CHRNA7: variants seen among roughly 807,000 people sequenced by gnomAD.
CHRNA7 encodes the protein neuronal acetylcholine receptor subunit alpha-7.
Under a neutral mutation model 48.0 loss-of-function variants are expected in CHRNA7, and 17 were observed. The ratio of observed to expected loss-of-function variants is 0.35; its 90% CI spans 0.24 to 0.53. The LOEUF (loss-of-function observed/expected upper bound fraction) is 0.53, where lower values mean the gene tolerates loss of function less well. Among genes scored for constraint, CHRNA7 ranks in the 20% least tolerant of loss-of-function variants. The probability of loss-of-function intolerance (pLI) is 0.92; values close to 1 mark genes in which losing one functional copy is unlikely to be tolerated. For missense variants in CHRNA7, 155 were observed against 577.7 expected (o/e 0.27, Z 7.50); for synonymous variants, 75 against 242.3 (o/e 0.31, Z 6.41).
chr15:32,102,209 A>G (rs2050585566), intron 3 of CHRNA7: 1 of 152,012 alleles, frequency 6.6e-6, no homozygotes, highest in African/African-American at 2.4e-5. Flanking sequence ...CAGTGGCGCA[A>G]TCTTGGCTTA....
intron 4 of CHRNA7, among the ~76,000 whole-genome samples, chr15:32,114,983 C>T (rs1305529037): frequency 2.0e-5 from 3 of 152,262 alleles, no homozygotes; most frequent in Admixed American, 6.5e-5. Flanking sequence ...GCACCCACCC[C>T]TTCTGGGCCT....
intron 2 of CHRNA7, among the ~76,000 whole-genome samples, chr15:32,032,419 A>G (rs1277299311): frequency 2.6e-5 from 4 of 152,182 alleles, no homozygotes; most frequent in African/African-American, 9.7e-5. Flanking sequence ...TTTCTTAAGC[A>G]TCTTGAGCCT....
At chr15:32,112,545 AAGC>A (rs2050780625) in intron 4 of CHRNA7, among the ~76,000 whole-genome samples, 1 of 152,242 alleles carries the variant, frequency 6.6e-6, no homozygotes, top group Non-Finnish European at 1.5e-5. Context: ...AAGTTTCTAG[AAGC>A]AGTAAAATTT....
chr15:32,096,894 C>G (rs1435550392), intron 2 of CHRNA7, among the ~76,000 whole-genome samples: 1 of 152,172 alleles, frequency 6.6e-6, no homozygotes, highest in Admixed American at 6.5e-5. Flanking sequence ...CGCGTTGACT[C>G]GAGGGTGCCT....
chr15:32,032,176 C>T (rs1350919740), intron 2 of CHRNA7, among the ~76,000 whole-genome samples: 1 of 152,208 alleles, frequency 6.6e-6, no homozygotes, highest in Non-Finnish European at 1.5e-5. Flanking sequence ...TGTGTTCTTC[C>T]TCCTACAGAC....
intron 2 of CHRNA7, among the ~76,000 whole-genome samples, chr15:32,091,206 G>A (rs536473884): frequency 4.0e-4 from 61 of 152,090 alleles, no homozygotes; most frequent in African/African-American, 1.4e-3. Context: ...TATTTCTCTT[G>A]TCTGTATTTT....
intron 3 of CHRNA7, among the ~76,000 whole-genome samples, chr15:32,108,117 C>T (rs1203262273): frequency 6.6e-6 from 1 of 152,044 alleles, no homozygotes; most frequent in African/African-American, 2.4e-5. Context: ...TCAATGCTTC[C>T]ATGCCACTAG....
chr15:32,031,682 GTGGGTCTCT>G (rs1227846245), intron 2 of CHRNA7, among the ~76,000 whole-genome samples: 1 of 152,252 alleles, frequency 6.6e-6, no homozygotes, highest in Non-Finnish European at 1.5e-5. Context: ...CATCAGTTCC[GTGGGTCTCT>G]TGCCTTGCAG....
intron 2 of CHRNA7, among the ~76,000 whole-genome samples, chr15:32,038,476 G>T (rs1004710920): frequency 1.9e-4 from 29 of 152,076 alleles, no homozygotes; most frequent in Non-Finnish European, 3.8e-4. Flanking sequence ...TATCTGGAAT[G>T]AATCTCACTT....
intron 3 of CHRNA7, among the ~76,000 whole-genome samples, chr15:32,109,663 C>A (rs924482977): frequency 8.5e-5 from 13 of 152,180 alleles, no homozygotes; most frequent in African/African-American, 3.1e-4. Context: ...CACAGGTAAG[C>A]CCTGACCCAG....
At position 32,101,339 on chromosome 15, in the gene CHRNA7, C is replaced by T; in HGVS notation, c.232C>T (p.Leu78=). ...KNQVLTTNIW[L]QMSWTDHYLQ... Reference sequence around the variant, plus strand: ...CCAAGTTTTAACCACCAACATTTGGCTGCAAATGGTAAGTTAAGAGAATGA... The same window carrying T: ...CCAAGTTTTAACCACCAACATTTGGTTGCAAATGGTAAGTTAAGAGAATGA... The change falls in exon 3 of 10, where the codon CTG becomes TTG. Residue 78 remains leucine, a synonymous_variant. Transcript: ENST00000306901. 1 of 1,586,080 alleles carries T rather than the reference C, an allele frequency of 6.3e-7. No homozygotes were observed. Among genetic ancestry groups the T allele is most frequent in the South Asian group, 1.2e-5 (1 of 84,718 alleles).
At chr15:32,072,979 C>T (rs1038154223) in intron 2 of CHRNA7, among the ~76,000 whole-genome samples, 3 of 152,100 alleles carry the variant, frequency 2.0e-5, no homozygotes, top group African/African-American at 7.2e-5. Context: ...ACATGGAGTC[C>T]CCACCAGGTC....
intron 2 of CHRNA7, among the ~76,000 whole-genome samples, chr15:32,040,013 CT>C (rs1476875776): frequency 2.6e-5 from 4 of 152,042 alleles, no homozygotes; most frequent in African/African-American, 9.7e-5. Flanking sequence ...TTTTTTATCC[CT>C]GGAAACTTTC....
At chr15:32,113,568 G>C (rs2141282791) in intron 4 of CHRNA7, among the ~76,000 whole-genome samples, 1 of 152,200 alleles carries the variant, frequency 6.6e-6, no homozygotes, top group Non-Finnish European at 1.5e-5. Context: ...TTTCTCCTTT[G>C]AAAAACGGGG....
rs1462993041 is a variant in CHRNA7 at position 32,149,349 on chromosome 15, G to A, written c.351-4558G>A. On this transcript the variant is annotated intron_variant, in intron 4 of 9. Transcript: ENST00000306901. The surrounding 1 kb of genome is among the most constrained non-coding windows in gnomAD (Gnocchi z 4.6). ...CTGGTGAGGGGGTCACTGTTGGCTG[G>A]CATCTGTCGGGCATCCCCGGGGAAG... 2.6e-5 allele frequency among the ~76,000 whole-genome samples: 4 copies of A among 152,202 alleles called. No homozygotes were observed. The highest frequency in any genetic ancestry group is 4.8e-5 in the African/African-American group (2 of 41,448).
At chr15:32,036,423 G>A (rs1380191907) in intron 2 of CHRNA7, among the ~76,000 whole-genome samples, 1 of 152,190 alleles carries the variant, frequency 6.6e-6, no homozygotes, top group African/African-American at 2.4e-5. Context: ...GTGAACATAA[G>A]GTTTCAATCA....
At chr15:32,088,117 G>A (rs1434557405) in intron 2 of CHRNA7, among the ~76,000 whole-genome samples, 1 of 152,074 alleles carries the variant, frequency 6.6e-6, no homozygotes, top group Non-Finnish European at 1.5e-5. Context: ...CCCACCACTG[G>A]CAACCACTGA....
chr15:32,064,503 A>G (rs28429947), intron 2 of CHRNA7, among the ~76,000 whole-genome samples: 66 of 64,566 alleles, frequency 1.0e-3, no homozygotes, highest in African/African-American at 2.7e-3. Context: ...ATGTGTGTGT[A>G]TGTGTGTGTG....
At chr15:32,063,431 T>A (rs76010570) in intron 2 of CHRNA7, among the ~76,000 whole-genome samples, 2,968 of 152,192 alleles carry the variant, frequency 0.02, 93 homozygotes, top group African/African-American at 0.068. Context: ...AGCTTCCAGG[T>A]GAAAAGTTAC....
Sources: gnomAD v4.1 joint callset for allele counts (sites outside exome capture counted in the v4.1 genomes callset) on GRCh38, gnomAD v4.1.1 for gene constraint, Gnocchi (gnomAD v3.1) non-coding constraint, MANE v1.5 for transcripts, NCBI Gene and HGNC (gene_info 2026-07-23, HGNC 2026-07-21) for gene names.